The following LMNTD1 variants were observed in gnomAD, a reference collection of about 807,000 sequenced individuals.
LMNTD1 encodes the protein lamin tail domain-containing protein 1.
In LMNTD1, 35 loss-of-function variants were observed where a neutral mutation model predicts 50.9. The observed-to-expected ratio is 0.69, with a 90% CI of 0.53 to 0.91. The LOEUF is 0.91. Among genes scored for constraint, LMNTD1 ranks in the 40% least tolerant of loss-of-function variants. LMNTD1 has a pLI of 0.00. For synonymous variants in LMNTD1, 153 were observed against 161.9 expected (o/e 0.94, Z 0.42); for missense variants, 470 against 475.5 (o/e 0.99, Z 0.11).
chr12:25,529,915 T>C (rs1942102168), intron 4 of LMNTD1, among the ~76,000 whole-genome samples: 1 of 152,194 alleles, frequency 6.6e-6, no homozygotes, highest in African/African-American at 2.4e-5. Context: ...AAAGAATTCC[T>C]TGCAAGAGCA....
chr12:25,569,522 A>G (rs928559640), intron 1 of LMNTD1, among the ~76,000 whole-genome samples: 9 of 152,128 alleles, frequency 5.9e-5, no homozygotes, highest in Admixed American at 5.9e-4. Context: ...GCAATGTGAG[A>G]AGGACATGAA....
chr12:25,523,169 G>A (rs745909364), intron 6 of LMNTD1, among the ~76,000 whole-genome samples: 46 of 152,172 alleles, frequency 3.0e-4, no homozygotes, highest in Non-Finnish European at 6.5e-4. Flanking sequence ...TAGTAGCTGG[G>A]ACTACAGGCG....
rs1694896592 is a variant in LMNTD1, at chr12:25,604,470, G to GTA, written c.58+44022_58+44023dup. ...CCATTAACTCGTCATTTAGCATTAG[G>GTA]TATATCTCCTAATGCTATCCCTCCC... On this transcript the variant is annotated intron_variant, in intron 1 of 7. Transcript: ENST00000445693. 4.6e-5 allele frequency among the ~76,000 whole-genome samples: 7 copies of GTA among 152,050 alleles called. No individual in the cohort carries two copies. In the South Asian group the frequency reaches 1.5e-3, roughly 32 times the overall value.
chr12:25,643,157 C>T (rs1321516310), intron 1 of LMNTD1, among the ~76,000 whole-genome samples: 1 of 152,068 alleles, frequency 6.6e-6, no homozygotes, highest in Non-Finnish European at 1.5e-5. Context: ...TAATAAGAGT[C>T]ATACAGCAAG....
In LMNTD1 at chr12:25,483,068, T is replaced by C. The variant is rs554353334; in HGVS notation, c.*23-6608A>G. 1.2e-3 allele frequency among the ~76,000 whole-genome samples: 182 copies of C among 152,114 alleles called. 3 individuals are homozygous for C. The highest frequency in any genetic ancestry group is 4.3e-3 in the African/African-American group (177 of 41,374). ...ACTTATTTCAGCATTTGTGTTTACCTTGCATTTTAACACAACCCTTAAAAA... is the reference window on the plus strand; with the variant it reads ...ACTTATTTCAGCATTTGTGTTTACCCTGCATTTTAACACAACCCTTAAAAA... On this transcript the variant is annotated intron_variant, in intron 9 of 9. Transcript: ENST00000458174.
In LMNTD1 at chr12:25,520,011, T is replaced by C. The variant is rs34326830; in HGVS notation, c.863A>G (p.Glu288Gly). 4,975 of 1,613,490 alleles carry C rather than the reference T, an allele frequency of 3.1e-3. 149 individuals carry two copies. In the African/African-American group the frequency reaches 0.059, roughly 19 times the overall value. ...QAWEKLDADVEFNRCSVVSPT... is the reference protein window; with the variant it reads ...QAWEKLDADVGFNRCSVVSPT... ...AGATACTACTGAACATCTGTTAAATTCAACGTCAGCATCTAATTTTTCCCA... is the reference window on the plus strand; with the variant it reads ...AGATACTACTGAACATCTGTTAAATCCAACGTCAGCATCTAATTTTTCCCA... Residue 288 changes from glutamate (E) to glycine (G), a missense_variant, in exon 7 of 10, where the codon GAA (glutamate) becomes GGA (glycine). Transcript: ENST00000458174.
intron 8 of LMNTD1, among the ~76,000 whole-genome samples, chr12:25,508,059 C>T (rs1054185377): frequency 6.6e-6 from 1 of 151,806 alleles, no homozygotes; most frequent in Non-Finnish European, 1.5e-5. Context: ...AGTATATAAG[C>T]TGTCCATGCT....
intron 1 of LMNTD1, among the ~76,000 whole-genome samples, chr12:25,648,169 C>T (rs1411814332): frequency 6.6e-6 from 1 of 152,180 alleles, no homozygotes; most frequent in Admixed American, 6.5e-5. Flanking sequence ...TAGGATACCT[C>T]TTTTTACACA....
At chr12:25,648,448 A>T in intron 1 of LMNTD1, 1 of 1,478,266 alleles carries the variant, frequency 6.8e-7, no homozygotes, top group Non-Finnish European at 9.3e-7. Context: ...GAGGGAAGCC[A>T]GCGAATTGCC....
At chr12:25,477,968 C>A (rs1481105915) in intron 9 of LMNTD1, among the ~76,000 whole-genome samples, 1 of 152,054 alleles carries the variant, frequency 6.6e-6, no homozygotes, top group East Asian at 1.9e-4. Flanking sequence ...CAGGAAGCAT[C>A]CAGCGCAGGA....
chr12:25,500,522 G>A (rs146195628), intron 9 of LMNTD1, among the ~76,000 whole-genome samples: 12 of 152,244 alleles, frequency 7.9e-5, no homozygotes, highest in Admixed American at 3.3e-4. Flanking sequence ...GTGTAAGAGC[G>A]TTTACTGGTT....
intron 1 of LMNTD1, among the ~76,000 whole-genome samples, chr12:25,560,679 C>A (rs555937670): frequency 2.6e-5 from 4 of 152,232 alleles, no homozygotes; most frequent in African/African-American, 7.2e-5. Context: ...TCCATGAGCA[C>A]CAAATCTTCT....
At chr12:25,572,751 G>A (rs375717095) in intron 1 of LMNTD1, among the ~76,000 whole-genome samples, 2 of 152,016 alleles carry the variant, frequency 1.3e-5, no homozygotes, top group South Asian at 2.1e-4. Context: ...TACTGTGCTA[G>A]CATATTTCCT....
intron 1 of LMNTD1, among the ~76,000 whole-genome samples, chr12:25,647,796 T>C (rs1357903428): frequency 6.6e-6 from 1 of 152,306 alleles, no homozygotes; most frequent in African/African-American, 2.4e-5. Context: ...GGGTAATCTG[T>C]CTCTAGTTGA....
chr12:25,508,639 G>A (rs1301218223), intron 8 of LMNTD1, among the ~76,000 whole-genome samples: 1 of 152,072 alleles, frequency 6.6e-6, no homozygotes, highest in African/African-American at 2.4e-5. Context: ...AATATATATA[G>A]TTCTTGGGAA....
intron 1 of LMNTD1, among the ~76,000 whole-genome samples, chr12:25,572,820 C>T (rs1378966650): frequency 6.6e-6 from 1 of 151,590 alleles, no homozygotes; most frequent in Non-Finnish European, 1.5e-5. Context: ...CCCTCCCTCC[C>T]TTCCTTCTGC....
intron 1 of LMNTD1, among the ~76,000 whole-genome samples, chr12:25,644,790 G>A (rs1858283): frequency 0.61 from 93,053 of 151,916 alleles, 28,955 homozygotes; most frequent in Non-Finnish European, 0.68. Context: ...GAGTAGGACC[G>A]GAAGGATTCA....
chr12:25,613,940 A>G (rs1362691726), intron 1 of LMNTD1, among the ~76,000 whole-genome samples: 1 of 152,078 alleles, frequency 6.6e-6, no homozygotes, highest in African/African-American at 2.4e-5. Context: ...CTAAGGGAGA[A>G]GATAGGCGGA....
intron 1 of LMNTD1, among the ~76,000 whole-genome samples, chr12:25,609,267 C>T (rs1463523833): frequency 6.6e-6 from 1 of 152,176 alleles, no homozygotes; most frequent in Non-Finnish European, 1.5e-5. Flanking sequence ...TGGGTTCGAA[C>T]ATCCTCCTTT....
Sources: allele counts gnomAD v4.1 joint callset (sites outside exome capture counted in the v4.1 genomes callset), GRCh38; gene constraint gnomAD v4.1.1; transcripts MANE v1.5; gene names NCBI Gene and HGNC (gene_info 2026-07-23, HGNC 2026-07-21).